Variants in TENM3 observed in about 807,000 individuals in gnomAD.
The protein encoded by TENM3 is teneurin-3.
TENM3 carries 63 observed loss-of-function variants against 255.1 expected under a neutral mutation model. The observed-to-expected ratio is 0.25, with a 90% CI of 0.20 to 0.30. The LOEUF is 0.30. Ranked by LOEUF, TENM3 falls within the 10% of genes least tolerant of loss-of-function variation. TENM3 has a pLI of 1.00. For synonymous variants in TENM3, 1,306 were observed against 1,322.3 expected, an observed-to-expected ratio of 0.99 and a Z score of 0.27; for missense variants, 2,929 against 3,461.1, an observed-to-expected ratio of 0.85 and a Z score of 3.86.
intron 3 of TENM3, among the ~76,000 whole-genome samples, chr4:182,587,341 G>A (rs1168399093): frequency 6.6e-6 from 1 of 152,104 alleles, no homozygotes; most frequent in East Asian, 1.9e-4. Context: ...GCTGAGGCAG[G>A]CGGATCACCT....
chr4:182,690,508 G>T (rs577515255), intron 12 of TENM3, among the ~76,000 whole-genome samples: 3 of 152,234 alleles, frequency 2.0e-5, no homozygotes, highest in African/African-American at 7.2e-5. Flanking sequence ...CTCATTCTTT[G>T]TGACTCCACC....
chr4:182,196,957 G>A lies in TENM3; in HGVS notation c.-76+52203G>A, dbSNP rs116280329. Among the ~76,000 whole-genome samples, 380 of 152,138 alleles carry A rather than the reference G, an allele frequency of 2.5e-3. 1 individual carries two copies. Among genetic ancestry groups the A allele is most frequent in the African/African-American group, 8.7e-3 (361 of 41,494 alleles). On this transcript the variant is annotated intron_variant, in intron 1 of 2. Transcript: ENST00000512480. ...TCCGGTCATCTTCTCGGATGCCAAGGAGCTCAGGACCTGACTCCTTGAAGT... is the reference window on the plus strand; with the variant it reads ...TCCGGTCATCTTCTCGGATGCCAAGAAGCTCAGGACCTGACTCCTTGAAGT...
intron 3 of TENM3, among the ~76,000 whole-genome samples, chr4:182,477,156 T>C (rs1733753102): frequency 6.6e-6 from 1 of 152,222 alleles, no homozygotes; most frequent in South Asian, 2.1e-4. Flanking sequence ...GCAGCACTTT[T>C]CACTGTCCAT....
intron 3 of TENM3, among the ~76,000 whole-genome samples, chr4:182,426,032 A>T (rs1479322890): frequency 7.2e-6 from 1 of 138,980 alleles, no homozygotes; most frequent in East Asian, 2.2e-4. Context: ...AAAAAAAAAC[A>T]CTCGAAGTAG....
the TENM3 span, among the ~76,000 whole-genome samples, chr4:181,745,426 T>C: frequency 2.0e-5 from 3 of 152,182 alleles, no homozygotes; most frequent in Admixed American, 2.0e-4. Context: ...GAAAGCGTTT[T>C]TTAAAGAACC....
At chr4:181,823,014 C>A in the TENM3 span, among the ~76,000 whole-genome samples, 1 of 152,108 alleles carries the variant, frequency 6.6e-6, no homozygotes, top group Non-Finnish European at 1.5e-5. Context: ...AAAGAAAGAT[C>A]TCAAAATGCA....
At chr4:182,676,614 A>G (rs1172929287) in intron 7 of TENM3, among the ~76,000 whole-genome samples, 1 of 152,240 alleles carries the variant, frequency 6.6e-6, no homozygotes, top group Non-Finnish European at 1.5e-5. Context: ...AATTAAACAT[A>G]TAATCTAACT....
At chr4:181,684,904 A>G in the TENM3 span, among the ~76,000 whole-genome samples, 1,333 of 134,612 alleles carry the variant, frequency 9.9e-3, 19 homozygotes, top group African/African-American at 0.036. Flanking sequence ...ACAGGTGTGC[A>G]CCACCGTGCC....
chr4:181,735,969 T>G, the TENM3 span, among the ~76,000 whole-genome samples: 8 of 152,210 alleles, frequency 5.3e-5, no homozygotes, highest in Non-Finnish European at 1.2e-4. Flanking sequence ...AAGTTCTAAT[T>G]TAATGTCTAT....
the TENM3 span, among the ~76,000 whole-genome samples, chr4:182,062,879 A>G: frequency 6.6e-6 from 1 of 152,202 alleles, no homozygotes; most frequent in Non-Finnish European, 1.5e-5. Flanking sequence ...TCTTTAAAAA[A>G]TGAAGAAAGG....
In TENM3 at chr4:182,800,157, G is replaced by T; in HGVS notation, c.7906G>T (p.Glu2636Ter). ...CGCGCTCGCCCGGGCCTGGGCGCGC[G>T]AGCAGCAGCGCGTGCGCGACGGCGA... ...QRALARAWAREQQRVRDGEEG... is the reference protein window; with the variant it reads ...QRALARAWAR The change falls in exon 28 of 28, where the codon GAG (glutamate) becomes TAG (stop). Residue 2636 changes from glutamate to a stop codon, truncating the protein, a stop_gained. Transcript: ENST00000511685. LOFTEE classifies it high-confidence loss of function. The T allele has an allele frequency of 6.8e-7, 1 of 1,463,474 alleles. No individual in the cohort carries two copies. Among genetic ancestry groups the T allele is most frequent in the Non-Finnish European group, 8.9e-7 (1 of 1,117,588 alleles). 90.7% of individuals were successfully genotyped at this position (1,463,474 alleles called of 1,614,324 possible).
At chr4:181,833,013 A>G in the TENM3 span, among the ~76,000 whole-genome samples, 4 of 152,212 alleles carry the variant, frequency 2.6e-5, no homozygotes, top group Non-Finnish European at 5.9e-5. Context: ...ATAATTGAGA[A>G]ACACAGAACA....
At chr4:182,788,849 T>G (rs1010977871) in intron 24 of TENM3, among the ~76,000 whole-genome samples, 1 of 152,218 alleles carries the variant, frequency 6.6e-6, no homozygotes, top group Non-Finnish European at 1.5e-5. Flanking sequence ...ATTTTTCTTA[T>G]CAGTTGCTTT....
At chr4:182,611,612 T>C (rs183862573) in intron 4 of TENM3, among the ~76,000 whole-genome samples, 1 of 152,252 alleles carries the variant, frequency 6.6e-6, no homozygotes, top group Admixed American at 6.5e-5. Flanking sequence ...TTAGCAGACC[T>C]TTAAGCAGTT....
At position 182,601,137 on chromosome 4, in the gene TENM3, G is replaced by A; in HGVS notation, c.725G>A (p.Gly242Asp). ...SVQLQDSWVLGSNVPLESRHF... is the reference protein window; with the variant it reads ...SVQLQDSWVLDSNVPLESRHF... Reference sequence around the variant, plus strand: ...CAGCTGCAGGACAGCTGGGTCCTTGGCAGTAATGTACCACTGGAAAGCAGG... The same window carrying A: ...CAGCTGCAGGACAGCTGGGTCCTTGACAGTAATGTACCACTGGAAAGCAGG... The change falls in exon 4 of 28, where the codon GGC (glycine) becomes GAC (aspartate). Residue 242 changes from glycine to aspartate, a missense_variant. Physicochemically the swap from Gly to Asp is moderately conservative, Grantham distance 94. Around this residue, in one of 6 missense-constraint regions of TENM3, gnomAD observed 1,608 missense variants for 1,884.4 expected, o/e 0.85. Transcript: ENST00000511685. 1 of 1,613,776 alleles carries A rather than the reference G, an allele frequency of 6.2e-7. No individual in the cohort carries two copies. Among genetic ancestry groups the A allele is most frequent in the Non-Finnish European group, 8.5e-7 (1 of 1,179,830 alleles).
intron 13 of TENM3, among the ~76,000 whole-genome samples, chr4:182,720,763 CCT>C (rs1034538095): frequency 3.6e-5 from 5 of 138,274 alleles, no homozygotes; most frequent in South Asian, 2.4e-4. Context: ...AAAAGTCTCC[CCT>C]CTTTTTTTTT....
chr4:181,565,672 A>G, the TENM3 span, among the ~76,000 whole-genome samples: 5 of 152,236 alleles, frequency 3.3e-5, no homozygotes, highest in South Asian at 1.0e-3. Flanking sequence ...TACACTTTAT[A>G]TATAATATCT....
At chr4:182,199,985 C>A (rs577813806) in intron 1 of TENM3, among the ~76,000 whole-genome samples, 168 of 152,166 alleles carry the variant, frequency 1.1e-3, no homozygotes, top group Non-Finnish European at 4.4e-4. Flanking sequence ...CCTGGGTCTC[C>A]CAAAGTGCTG....
the TENM3 span, among the ~76,000 whole-genome samples, chr4:181,557,313 G>C: frequency 6.6e-6 from 1 of 152,148 alleles, no homozygotes. Context: ...TTTAACCCTT[G>C]CATAGCCACC....
Sources: gnomAD v4.1 joint callset for allele counts (sites outside exome capture counted in the v4.1 genomes callset) on GRCh38, gnomAD v4.1.1 for gene constraint, gnomAD v4.1.1 regional missense constraint, MANE v1.5 for transcripts, NCBI Gene and HGNC (gene_info 2026-07-23, HGNC 2026-07-21) for gene names.